PAICS: variants seen among roughly 807,000 people sequenced by gnomAD.
The protein encoded by PAICS is bifunctional phosphoribosylaminoimidazole carboxylase/phosphoribosylaminoimidazole succinocarboxamide synthetase.
In PAICS, 33 loss-of-function variants were observed where a neutral mutation model predicts 53.7. That is an observed-to-expected ratio of 0.61 (90% CI 0.47 to 0.82). PAICS has a LOEUF of 0.82. Among genes scored for constraint, PAICS ranks in the 40% least tolerant of loss-of-function variants. PAICS has a pLI of 0.00. For synonymous variants in PAICS, 141 were observed against 167.2 expected (o/e 0.84, Z 1.21); for missense variants, 394 against 494.1 (o/e 0.80, Z 1.92).
chr4:56,426,815 T>G, the PAICS span, among the ~76,000 whole-genome samples: 1 of 152,202 alleles, frequency 6.6e-6, no homozygotes, highest in African/African-American at 2.4e-5. Flanking sequence ...TTCACGTTGT[T>G]GTGCAAACAT....
the PAICS span, chr4:56,416,239 T>G: frequency 6.5e-6 from 1 of 153,468 alleles, no homozygotes; most frequent in African/African-American, 2.4e-5. Context: ...TTATACAACT[T>G]TATTACAAAA....
In PAICS at chr4:56,446,888, C is replaced by T. The variant is rs1481697437; in HGVS notation, c.393+15C>T. ...TGTTTTTCAAGGTAATTATCTTATG[C>T]CTCTGTTTTATGTCTTACTGTAACA... On this transcript the variant is annotated intron_variant, in intron 3 of 8. Coordinates refer to ENST00000512576, the MANE Select transcript of PAICS (RefSeq NM_001079524.2). The T allele has an allele frequency of 5.2e-6, 8 of 1,533,926 alleles. No individual in the cohort carries two copies. The Admixed American group carries it at 1.4e-4, about 27-fold the overall frequency.
chr4:56,411,728 G>A, the PAICS span, among the ~76,000 whole-genome samples: 1 of 152,174 alleles, frequency 6.6e-6, no homozygotes, highest in South Asian at 2.1e-4. Flanking sequence ...TATGCGTTTA[G>A]TAATGCGAAA....
chr4:56,441,949 C>A, intron 2 of PAICS, 89 bp downstream of exon 2: 1 of 862,076 alleles, frequency 1.2e-6, no homozygotes, highest in Non-Finnish European at 1.8e-6. Flanking sequence ...ATATGAACAA[C>A]TTGTTTGCAG....
In PAICS at chr4:56,441,703, AG is replaced by A; in HGVS notation, c.58del (p.Glu20LysfsTer6). On this transcript the variant is annotated frameshift_variant, in exon 2 of 9. Coordinates refer to ENST00000512576, the MANE Select transcript of PAICS (RefSeq NM_001079524.2). LOFTEE classifies it high-confidence loss of function. ...AAAAATTATATGAGGGTAAAACAAA[AG>A]AAGTCTACGAATTGTTAGACAGTCC... ...GKKLYEGKTK[E>X]VYELLDSPGK... 6.3e-7 allele frequency: 1 copy of A among 1,598,172 alleles called. No individual in the cohort carries two copies. Among genetic ancestry groups the A allele is most frequent in the African/African-American group, 1.3e-5 (1 of 74,394 alleles).
chr4:56,417,835 G>GTTTTTTTTTTTTTTTTTTTTTT, the PAICS span, among the ~76,000 whole-genome samples: 20 of 102,518 alleles, frequency 2.0e-4, no homozygotes, highest in African/African-American at 7.0e-4. Context: ...TGAAGATTTG[G>GTTTTTTTTTTTTTTTTTTTTTT]TTTTTTGTTT....
chr4:56,418,814 T>C, the PAICS span, among the ~76,000 whole-genome samples: 10 of 152,232 alleles, frequency 6.6e-5, no homozygotes, highest in African/African-American at 2.4e-4. Flanking sequence ...GTCAGTAATG[T>C]AAATGAAGTA....
the PAICS span, among the ~76,000 whole-genome samples, chr4:56,417,996 A>C: frequency 1.3e-5 from 2 of 151,876 alleles, no homozygotes; most frequent in Non-Finnish European, 2.9e-5. Flanking sequence ...TGCACCACAC[A>C]CCCAACTAAT....
intron 2 of PAICS, among the ~76,000 whole-genome samples, chr4:56,444,145 G>A (rs1718471523): frequency 6.6e-6 from 1 of 151,948 alleles, no homozygotes; most frequent in South Asian, 2.1e-4. Flanking sequence ...CCAAATTAAG[G>A]TAGAAAGTAG....
intron 1 of PAICS, among the ~76,000 whole-genome samples, chr4:56,437,483 A>G (rs1172626643): frequency 6.6e-6 from 1 of 151,956 alleles, no homozygotes; most frequent in Non-Finnish European, 1.5e-5. Context: ...GCTGCTGGGT[A>G]CATTCTTTTC....
the PAICS span, among the ~76,000 whole-genome samples, chr4:56,414,053 T>C: frequency 1.3e-5 from 2 of 152,226 alleles, no homozygotes; most frequent in Non-Finnish European, 2.9e-5. Flanking sequence ...TGACCATTCA[T>C]GTCAATTGGG....
chr4:56,433,239 G>A (rs1442917648), upstream of PAICS, among the ~76,000 whole-genome samples: 2 of 151,616 alleles, frequency 1.3e-5, no homozygotes, highest in African/African-American at 2.4e-5. Flanking sequence ...CTACACAAGA[G>A]AAATGTTAAA....
chr4:56,424,593 T>G, the PAICS span, among the ~76,000 whole-genome samples: 1 of 152,184 alleles, frequency 6.6e-6, no homozygotes, highest in Non-Finnish European at 1.5e-5. Flanking sequence ...AAGTGGCCCA[T>G]GAAAATTGAA....
the PAICS span, chr4:56,410,907 A>G: frequency 2.1e-6 from 1 of 465,736 alleles, no homozygotes; most frequent in Non-Finnish European, 2.7e-6. Flanking sequence ...GGTAAAAAAA[A>G]AAAAAAAAAA....
chr4:56,435,961 C>G (rs1717904814), upstream of PAICS: 2 of 1,507,622 alleles, frequency 1.3e-6, no homozygotes, highest in Non-Finnish European at 8.9e-7. Flanking sequence ...CTCCCGCAGC[C>G]GAGAAGGGGC....
the PAICS span, among the ~76,000 whole-genome samples, chr4:56,417,967 G>A: frequency 6.6e-6 from 1 of 151,376 alleles, no homozygotes; most frequent in Non-Finnish European, 1.5e-5. Context: ...AGCCTCCTGA[G>A]TAGCTGGGAT....
the PAICS span, among the ~76,000 whole-genome samples, chr4:56,415,136 T>A: frequency 1.2e-4 from 19 of 152,330 alleles, no homozygotes; most frequent in East Asian, 3.7e-3. Context: ...AAAATGAATA[T>A]TTATGCCATT....
At chr4:56,459,002 A>G (rs1420346464) in intron 8 of PAICS, among the ~76,000 whole-genome samples, 2 of 152,218 alleles carry the variant, frequency 1.3e-5, no homozygotes, top group African/African-American at 4.8e-5. Context: ...AAGAACAGGT[A>G]CTTTTGTACT....
At chr4:56,439,699 G>C (rs1718241088) in intron 1 of PAICS, among the ~76,000 whole-genome samples, 1 of 151,856 alleles carries the variant, frequency 6.6e-6, no homozygotes, top group Admixed American at 6.6e-5. Context: ...CTATCACCCA[G>C]GCTTGAGTGA....
Sources: gnomAD v4.1 joint callset for allele counts (sites outside exome capture counted in the v4.1 genomes callset) on GRCh38, gnomAD v4.1.1 for gene constraint, MANE v1.5 for transcripts, NCBI Gene and HGNC (gene_info 2026-07-23, HGNC 2026-07-21) for gene names.